TDRD15: variants seen among roughly 807,000 people sequenced by gnomAD.
TDRD15 encodes the protein tudor domain-containing protein 15.
For synonymous variants in TDRD15, 503 were observed against 314.5 expected (o/e 1.60, Z -6.34); for missense variants, 1,416 against 904.7 (o/e 1.57, Z -7.25).
At position 21,138,319 on chromosome 2, in the gene TDRD15, A is replaced by G; in HGVS notation, c.852A>G (p.Glu284=). 1 of 716,612 alleles carries G rather than the reference A, an allele frequency of 1.4e-6. No homozygotes were observed. The highest frequency in any genetic ancestry group is 2.6e-6 in the Non-Finnish European group (1 of 384,472). 44.4% of individuals were successfully genotyped at this position (716,612 alleles called of 1,614,324 possible). A position where few individuals can be genotyped will look rare whatever the true frequency, so the allele number is the denominator to read the frequency against. Residue 284 remains glutamate, a synonymous_variant, in exon 4 of 4, where the codon GAA becomes GAG. Transcript: ENST00000405799. The part of the protein sequence containing the change: ...MTLHYDTVCQ[E]TSPTCDNFGL... ...TGCATTATGATACCGTCTGTCAAGA[A>G]ACTAGTCCCACGTGTGATAATTTTG...
chr2:21,134,906 G>T (rs1665779147), intron 3 of TDRD15, 59 bp downstream of exon 3: 1 of 150,402 alleles, frequency 6.6e-6, no homozygotes, highest in South Asian at 2.1e-4. Flanking sequence ...AATAAGGGTT[G>T]GATCTAGAAC....
chr2:21,146,845 C>T (rs1666038287), downstream of TDRD15, among the ~76,000 whole-genome samples: 1 of 152,078 alleles, frequency 6.6e-6, no homozygotes, highest in Admixed American at 6.6e-5. Context: ...TTGAGTCATA[C>T]AGATTTATGA....
Position 21,143,777 on chromosome 2 carries a change from T to A in TDRD15, c.*505T>A, listed in dbSNP as rs1428171435. ...CATGTACTAACATCCAAATTGAAAATATGTTGCAGGAAAACTTACTAGAAA... is the reference window on the plus strand; with the variant it reads ...CATGTACTAACATCCAAATTGAAAAAATGTTGCAGGAAAACTTACTAGAAA... On this transcript the variant is annotated 3_prime_UTR_variant, in exon 4 of 4. Transcript: ENST00000405799. Among the ~76,000 whole-genome samples the A allele has an allele frequency of 6.6e-6, 1 of 151,706 alleles. No homozygotes were observed. Among genetic ancestry groups the A allele is most frequent in the Non-Finnish European group, 1.5e-5 (1 of 67,702 alleles).
chr2:21,131,602 A>C (rs1024329548), intron 2 of TDRD15, among the ~76,000 whole-genome samples: 1 of 152,190 alleles, frequency 6.6e-6, no homozygotes, highest in South Asian at 2.1e-4. Flanking sequence ...ATTGCAACAC[A>C]TTGAATGTAG....
rs1433198410 is a variant in TDRD15, at chr2:21,142,802, G to A, written c.5335G>A (p.Glu1779Lys). Residue 1779 changes from glutamate to lysine, a missense_variant, in exon 4 of 4, where the codon GAG (glutamate) becomes AAG (lysine). Physicochemically the swap from Glu to Lys is moderately conservative, Grantham distance 56. Coordinates refer to ENST00000405799, the MANE Select transcript of TDRD15 (RefSeq NM_001306137.2). ...LPETLQTLPQ[E>K]FIIPGSSCLF... ...AGAGACCTTACAAACATTGCCTCAG[G>A]AGTTCATAATTCCCGGTTCTAGTTG... is the stretch of plus-strand genomic sequence containing the variant. 1 of 714,988 alleles carries A rather than the reference G, an allele frequency of 1.4e-6. No homozygotes were observed. The highest frequency in any genetic ancestry group is 2.6e-6 in the Non-Finnish European group (1 of 383,568). 44.3% of individuals were successfully genotyped at this position (714,988 alleles called of 1,614,324 possible). A position where few individuals can be genotyped will look rare whatever the true frequency, so the allele number is the denominator to read the frequency against.
Position 21,142,418 on chromosome 2 carries a change from A to G in TDRD15, c.4951A>G (p.Ile1651Val), listed in dbSNP as rs771642540. The change falls in exon 4 of 4, where the codon ATA (isoleucine) becomes GTA (valine). Residue 1651 changes from isoleucine (I) to valine (V), a missense_variant. Coordinates refer to ENST00000405799, the MANE Select transcript of TDRD15 (RefSeq NM_001306137.2). ...GATTTGGTTTGAAAATTCTAAGAAC[A>G]TATCATTTGAGTGCTTATTTGCTGA... The part of the protein sequence containing the change: ...KWIWFENSKN[I>V]SFECLFADLE... 1.7e-5 allele frequency: 12 copies of G among 709,746 alleles called. No individual in the cohort carries two copies. The highest frequency in any genetic ancestry group is 7.0e-5 in the African/African-American group (4 of 56,854). 44.0% of individuals were successfully genotyped at this position (709,746 alleles called of 1,614,324 possible). A position where few individuals can be genotyped will look rare whatever the true frequency, so the allele number is the denominator to read the frequency against.
intron 2 of TDRD15, among the ~76,000 whole-genome samples, chr2:21,134,117 A>G: frequency 6.6e-6 from 1 of 151,922 alleles, no homozygotes; most frequent in East Asian, 1.9e-4. Flanking sequence ...AATGAGTGCC[A>G]TTATCTATAA....
Position 21,138,544 on chromosome 2 carries a change from G to T in TDRD15, c.1077G>T (p.Leu359Phe). The T allele has an allele frequency of 1.4e-6, 1 of 715,590 alleles. No individual in the cohort carries two copies. The allele number at this position is 715,590 out of a possible 1,614,324, so 44.3% of individuals were successfully genotyped here. A position where few individuals can be genotyped will look rare whatever the true frequency, so the allele number is the denominator to read the frequency against. The part of the protein sequence containing the change: ...LFSFPCSLTC[L>F]HSPDRDARIF... Reference sequence around the variant, plus strand: ...CATTTCCATGTTCTCTGACATGTTTGCACAGTCCAGATAGAGATGCAAGAA... The same window carrying T: ...CATTTCCATGTTCTCTGACATGTTTTCACAGTCCAGATAGAGATGCAAGAA... Residue 359 changes from leucine to phenylalanine, a missense_variant, in exon 4 of 4, where the codon TTG becomes TTT. Physicochemically the swap from Leu to Phe is conservative, Grantham distance 22 (BLOSUM62 0). Transcript: ENST00000405799.
Position 21,141,278 on chromosome 2 carries a change from A to G in TDRD15, c.3811A>G (p.Thr1271Ala), listed in dbSNP as rs1417609714. The change falls in exon 4 of 4, where the codon ACC becomes GCC. Residue 1271 changes from threonine to alanine, a missense_variant. Transcript: ENST00000405799. Reference protein sequence around the residue: ...QSFIRALNQTTSQNPYDLIRP... With the variant: ...QSFIRALNQTASQNPYDLIRP... ...TTTTATCAGAGCATTAAATCAAACA[A>G]CCTCACAAAACCCATATGACCTTAT... 8.4e-6 allele frequency: 6 copies of G among 711,074 alleles called. No homozygotes were observed. The highest frequency in any genetic ancestry group is 2.1e-5 in the Admixed American group (1 of 48,600). The allele number at this position is 711,074 out of a possible 1,614,324, so 44.0% of individuals were successfully genotyped here.
intron 3 of TDRD15, 70 bp downstream of exon 3, chr2:21,134,917 A>G (rs558113930): frequency 3.3e-5 from 5 of 150,878 alleles, no homozygotes; most frequent in African/African-American, 1.2e-4. Context: ...GATCTAGAAC[A>G]TCTTGATTTA....
At position 21,139,187 on chromosome 2, in the gene TDRD15, A is replaced by G. The variant is rs1421179870; in HGVS notation, c.1720A>G (p.Ile574Val). 5 of 714,678 alleles carry G rather than the reference A, an allele frequency of 7.0e-6. No homozygotes were observed. The highest frequency in any genetic ancestry group is 1.8e-5 in the African/African-American group (1 of 57,074). The allele number at this position is 714,678 out of a possible 1,614,324, so 44.3% of individuals were successfully genotyped here. A position where few individuals can be genotyped will look rare whatever the true frequency, so the allele number is the denominator to read the frequency against. ...TTTGGATTATGGTAATACTGATTCCATACCATTTTTTGATGTAAAAATTTT... is the reference window on the plus strand; with the variant it reads ...TTTGGATTATGGTAATACTGATTCCGTACCATTTTTTGATGTAAAAATTTT... Reference protein sequence around the residue: ...YFLDYGNTDSIPFFDVKILLP... With the variant: ...YFLDYGNTDSVPFFDVKILLP... Residue 574 changes from isoleucine (I) to valine (V), a missense_variant, in exon 4 of 4, where the codon ATA becomes GTA. Ile to Val is a conservative substitution (Grantham distance 29). Coordinates refer to ENST00000405799, the MANE Select transcript of TDRD15 (RefSeq NM_001306137.2).
chr2:21,144,675 A>T (rs777928450), downstream of TDRD15, among the ~76,000 whole-genome samples: 4 of 151,936 alleles, frequency 2.6e-5, no homozygotes, highest in Non-Finnish European at 4.4e-5. Context: ...AACTCTACAA[A>T]GTATGTTGAT....
Position 21,144,321 on chromosome 2 carries a change from C to T in TDRD15, c.*1049C>T, listed in dbSNP as rs1665997820. Among the ~76,000 whole-genome samples, 1 of 151,712 alleles carries T rather than the reference C, an allele frequency of 6.6e-6. No homozygotes were observed. The highest frequency in any genetic ancestry group is 1.5e-5 in the Non-Finnish European group (1 of 67,790). ...TTTTGTAGGCTGTAAAGAATGTTCC[C>T]CGGCAAATGTTTGTTTTGACTTTAT... is the stretch of plus-strand genomic sequence containing the variant. On this transcript the variant is annotated 3_prime_UTR_variant, in exon 4 of 4. Coordinates refer to ENST00000405799, the MANE Select transcript of TDRD15 (RefSeq NM_001306137.2).
At position 21,141,564 on chromosome 2, in the gene TDRD15, A is replaced by G. The variant is rs1558301115; in HGVS notation, c.4097A>G (p.Lys1366Arg). 1.4e-6 allele frequency: 1 copy of G among 714,482 alleles called. No individual in the cohort carries two copies. Among genetic ancestry groups the G allele is most frequent in the South Asian group, 1.5e-5 (1 of 67,240 alleles). The allele number at this position is 714,482 out of a possible 1,614,324, so 44.3% of individuals were successfully genotyped here. The part of the protein sequence containing the change: ...DNAIYRAVIK[K>R]ILPGNSFEVE... ...GCCATTTACAGGGCAGTTATTAAGA[A>G]AATTTTGCCAGGAAATTCTTTTGAA... The change falls in exon 4 of 4, where the codon AAA becomes AGA. Residue 1366 changes from lysine (K) to arginine (R), a missense_variant. By Grantham distance (26) the Lys-to-Arg change is conservative. Transcript: ENST00000405799.
chr2:21,127,826 A>G (rs1665629743), intron 2 of TDRD15, 115 bp downstream of exon 2: 1 of 152,162 alleles, frequency 6.6e-6, no homozygotes, highest in Admixed American at 6.5e-5. Context: ...TTGAATTTCT[A>G]CCAAAATGCA....
rs917395014 is a variant in TDRD15 at position 21,142,015 on chromosome 2, T to A, written c.4548T>A (p.Phe1516Leu). The A allele has an allele frequency of 2.9e-6, 2 of 697,830 alleles. No homozygotes were observed. The highest frequency in any genetic ancestry group is 1.6e-5 in the South Asian group (1 of 62,856). The allele number at this position is 697,830 out of a possible 1,614,324, so 43.2% of individuals were successfully genotyped here. A position where few individuals can be genotyped will look rare whatever the true frequency, so the allele number is the denominator to read the frequency against. The change falls in exon 4 of 4, where the codon TTT becomes TTA. Residue 1516 changes from phenylalanine (F) to leucine (L), a missense_variant. Physicochemically the swap from Phe to Leu is conservative, Grantham distance 22 (BLOSUM62 0). Coordinates refer to ENST00000405799, the MANE Select transcript of TDRD15 (RefSeq NM_001306137.2). ...CTATGAATTCAAACCAACAGCTGTT[T>A]AAAATTCCTTTGGAAGAATTCAAAC... Reference protein sequence around the residue: ...EGSMNSNQQLFKIPLEEFKLG... With the variant: ...EGSMNSNQQLLKIPLEEFKLG...
intron 3 of TDRD15, among the ~76,000 whole-genome samples, chr2:21,136,933 C>G (rs1177527512): frequency 1.3e-5 from 2 of 151,968 alleles, no homozygotes; most frequent in African/African-American, 4.8e-5. Context: ...TATAATGATG[C>G]CGATAGAGTC....
At chr2:21,129,590 G>A (rs540564326) in intron 2 of TDRD15, among the ~76,000 whole-genome samples, 4 of 151,998 alleles carry the variant, frequency 2.6e-5, no homozygotes, top group Admixed American at 1.3e-4. Flanking sequence ...TACATATATT[G>A]TGCATTAAGC....
At position 21,141,261 on chromosome 2, in the gene TDRD15, G is replaced by C. The variant is rs756092977; in HGVS notation, c.3794G>C (p.Arg1265Thr). The C allele has an allele frequency of 1.4e-6, 1 of 712,258 alleles. No individual in the cohort carries two copies. Among genetic ancestry groups the C allele is most frequent in the South Asian group, 1.5e-5 (1 of 66,600 alleles). The allele number at this position is 712,258 out of a possible 1,614,324, so 44.1% of individuals were successfully genotyped here. The change falls in exon 4 of 4, where the codon AGA becomes ACA. Residue 1265 changes from arginine to threonine, a missense_variant. Transcript: ENST00000405799. ...AAGGTTGTATCACAGTCTTTTATCA[G>C]AGCATTAAATCAAACAACCTCACAA... ...SVKVVSQSFI[R>T]ALNQTTSQNP... is the part of the protein sequence containing the mutation.
Sources: gnomAD v4.1 joint callset for allele counts (sites outside exome capture counted in the v4.1 genomes callset) on GRCh38, gnomAD v4.1.1 for gene constraint, MANE v1.5 for transcripts, NCBI Gene and HGNC (gene_info 2026-07-23, HGNC 2026-07-21) for gene names.